FRS2: variants seen among roughly 807,000 people sequenced by gnomAD.
FRS2 encodes FGFR signalling adaptor.
A neutral mutation model predicts 43.9 loss-of-function variants in FRS2; 8 were observed. The ratio of observed to expected loss-of-function variants is 0.18; its 90% confidence interval spans 0.11 to 0.33. The LOEUF is 0.33. FRS2 is among the 10% of genes least tolerant of loss of function. The pLI, the probability that FRS2 is intolerant of heterozygous loss-of-function variation, is 1.00. For synonymous variants in FRS2, 219 were observed against 220.3 expected, an observed-to-expected ratio of 0.99 and a Z score of 0.05; for missense variants, 534 against 627.6, an observed-to-expected ratio of 0.85 and a Z score of 1.59.
intron 1 of FRS2, among the ~76,000 whole-genome samples, chr12:69,502,829 G>A (rs375214343): frequency 1.3e-5 from 2 of 152,266 alleles, no homozygotes; most frequent in African/African-American, 4.8e-5. Flanking sequence ...CTTCCTGTTG[G>A]AAGTGTTGCT....
chr12:69,531,260 G>T (rs530119596), intron 2 of FRS2, among the ~76,000 whole-genome samples: 1 of 151,856 alleles, frequency 6.6e-6, no homozygotes, highest in South Asian at 2.1e-4. Context: ...AACCCAGGAG[G>T]TGGAGGCTGC....
At chr12:69,508,292 A>G (rs922068364) in intron 1 of FRS2, among the ~76,000 whole-genome samples, 3 of 152,176 alleles carry the variant, frequency 2.0e-5, no homozygotes, top group Non-Finnish European at 4.4e-5. Context: ...GCTTTTATAA[A>G]ATATATCCAA....
chr12:69,562,102 A>C (rs1879927415), intron 3 of FRS2, 78 bp from the exon 4 acceptor site: 1 of 395,072 alleles, frequency 2.5e-6, no homozygotes, highest in East Asian at 3.6e-5. Flanking sequence ...AACTGAACTA[A>C]CTGTGCTGCC....
intron 3 of FRS2, among the ~76,000 whole-genome samples, chr12:69,549,855 C>T (rs1416384620): frequency 1.3e-5 from 2 of 152,218 alleles, no homozygotes; most frequent in East Asian, 3.8e-4. Flanking sequence ...TTCTGTGATA[C>T]CACACTCTTG....
chr12:69,568,961 G>A (rs894682630), intron 4 of FRS2, 44 bp from the exon 5 acceptor site: 6 of 914,270 alleles, frequency 6.6e-6, no homozygotes, highest in South Asian at 1.5e-5. Context: ...TACAGTTTTT[G>A]TATCCTTCAT....
At chr12:69,485,213 C>T (rs1592919571) in intron 1 of FRS2, among the ~76,000 whole-genome samples, 1 of 151,966 alleles carries the variant, frequency 6.6e-6, no homozygotes, top group Non-Finnish European at 1.5e-5. Context: ...GACGGAGTCT[C>T]GCTCTGTCCC....
chr12:69,499,295 A>G (rs1165930036), intron 1 of FRS2, among the ~76,000 whole-genome samples: 1 of 152,190 alleles, frequency 6.6e-6, no homozygotes, highest in Non-Finnish European at 1.5e-5. Context: ...GGAGGATTTA[A>G]AGAGAGTTGA....
chr12:69,504,254 A>C (rs1158084588), intron 1 of FRS2, among the ~76,000 whole-genome samples: 1 of 152,166 alleles, frequency 6.6e-6, no homozygotes, highest in Non-Finnish European at 1.5e-5. Flanking sequence ...AATCCCAGCT[A>C]TTCGGGAAGC....
At chr12:69,563,800 C>T (rs915831293) in intron 4 of FRS2, among the ~76,000 whole-genome samples, 1 of 152,150 alleles carries the variant, frequency 6.6e-6, no homozygotes, top group Non-Finnish European at 1.5e-5. Flanking sequence ...CTACTTCAGC[C>T]TCTTTTCTAT....
intron 1 of FRS2, among the ~76,000 whole-genome samples, chr12:69,501,722 G>T (rs774172038): frequency 6.6e-6 from 1 of 152,082 alleles, no homozygotes; most frequent in Non-Finnish European, 1.5e-5. Context: ...AACTCTGGAG[G>T]GTGTGGACGG....
intron 1 of FRS2, among the ~76,000 whole-genome samples, chr12:69,490,387 T>TA (rs1565720994): frequency 1.3e-5 from 2 of 151,220 alleles, no homozygotes; most frequent in African/African-American, 4.8e-5. Context: ...ATTTAAGAGC[T>TA]AAAAAGAAAA....
intron 3 of FRS2, among the ~76,000 whole-genome samples, chr12:69,547,955 T>C (rs1353420542): frequency 6.7e-6 from 1 of 149,644 alleles, no homozygotes; most frequent in Non-Finnish European, 1.5e-5. Flanking sequence ...TCCTTCCATC[T>C]CAGCCTCCTA....
At position 69,574,950 on chromosome 12, in the gene FRS2, A is replaced by G. The variant is rs1016897696; in HGVS notation, c.1522A>G (p.Met508Val). The change falls in exon 9 of 9, where the codon ATG (methionine) becomes GTG (valine). Residue 508 changes from methionine (M) to valine (V), a missense_variant. By Grantham distance (21) the Met-to-Val change is conservative. Around this residue, in one of 3 missense-constraint regions of FRS2, gnomAD observed 446 missense variants for 494.2 expected, o/e 0.90. Transcript: ENST00000549921. Reference sequence around the variant, plus strand: ...TAGACACAATAGTACTGATCTGCCCATGTGAGCCTGGAAAGCATTGTGTTG... The same window carrying G: ...TAGACACAATAGTACTGATCTGCCCGTGTGAGCCTGGAAAGCATTGTGTTG... ...KTRHNSTDLP[M>V] is the part of the protein sequence containing the mutation. 1 of 1,591,000 alleles carries G rather than the reference A, an allele frequency of 6.3e-7. No individual in the cohort carries two copies. Among genetic ancestry groups the G allele is most frequent in the Non-Finnish European group, 8.6e-7 (1 of 1,159,958 alleles).
At chr12:69,540,859 T>C (rs1354554666) in intron 3 of FRS2, among the ~76,000 whole-genome samples, 1 of 152,190 alleles carries the variant, frequency 6.6e-6, no homozygotes, top group Non-Finnish European at 1.5e-5. Flanking sequence ...AGTGGCACTT[T>C]ATCTCTGTGA....
chr12:69,560,440 A>G (rs960034101), intron 3 of FRS2, among the ~76,000 whole-genome samples: 18 of 152,242 alleles, frequency 1.2e-4, no homozygotes, highest in Non-Finnish European at 1.9e-4. Flanking sequence ...GCTAACATGT[A>G]CTAGTGCTTA....
chr12:69,536,101 C>CTTTTTTTTTTTTT (rs71094720), intron 3 of FRS2, among the ~76,000 whole-genome samples: 2 of 37,218 alleles, frequency 5.4e-5, no homozygotes, highest in Non-Finnish European at 1.1e-4. Context: ...TATTTTCATT[C>CTTTTTTTTTTTTT]TTTTTTTTTT....
intron 1 of FRS2, among the ~76,000 whole-genome samples, chr12:69,515,522 A>G (rs1459718504): frequency 6.6e-6 from 1 of 152,120 alleles, no homozygotes; most frequent in Non-Finnish European, 1.5e-5. Flanking sequence ...GGGGATATAG[A>G]GTGACCGAGA....
At chr12:69,548,154 C>T (rs1391586882) in intron 3 of FRS2, among the ~76,000 whole-genome samples, 2 of 152,134 alleles carry the variant, frequency 1.3e-5, no homozygotes, top group Non-Finnish European at 2.9e-5. Flanking sequence ...CACCAAGCTC[C>T]TGTATTAATA....
chr12:69,567,532 A>C (rs1282587131), intron 4 of FRS2, among the ~76,000 whole-genome samples: 1 of 152,170 alleles, frequency 6.6e-6, no homozygotes, highest in Non-Finnish European at 1.5e-5. Flanking sequence ...ACAATGGAGG[A>C]GAAAAGACAG....
Sources: gnomAD v4.1 joint callset for allele counts (sites outside exome capture counted in the v4.1 genomes callset) on GRCh38, gnomAD v4.1.1 for gene constraint, gnomAD v4.1.1 regional missense constraint, MANE v1.5 for transcripts, NCBI Gene and HGNC (gene_info 2026-07-23, HGNC 2026-07-21) for gene names.